The following METTL16 variants were observed in gnomAD, a reference collection of about 807,000 sequenced individuals.
METTL16 encodes RNA N(6)-adenosine-methyltransferase METTL16.
A neutral mutation model predicts 57.9 loss-of-function variants in METTL16; 19 were observed. That is an observed-to-expected ratio of 0.33 (90% CI 0.23 to 0.48). The LOEUF is 0.48. Among genes scored for constraint, METTL16 ranks in the 20% least tolerant of loss-of-function variants. METTL16 has a pLI of 0.99. For synonymous variants in METTL16, 246 were observed against 255.6 expected (o/e 0.96, Z 0.36); for missense variants, 434 against 691.5 (o/e 0.63, Z 4.18).
intron 8 of METTL16, among the ~76,000 whole-genome samples, chr17:2,435,307 G>C (rs1472262901): frequency 6.6e-6 from 1 of 152,124 alleles, no homozygotes; most frequent in Non-Finnish European, 1.5e-5. Context: ...CGGGAGTGGG[G>C]GTGGGGAAAT....
At position 2,438,161 on chromosome 17, in the gene METTL16, C is replaced by T; in HGVS notation, c.836G>A (p.Arg279Gln). ...CCAAGCTAAGGCCCATCTCATTGTC[C>T]GACCTTGACAGAATTCAGTGTACGT... ...KVTYTEFCQGRTMRWALAWSF... is the reference protein window; with the variant it reads ...KVTYTEFCQGQTMRWALAWSF... Residue 279 changes from arginine to glutamine, a missense_variant, in exon 8 of 10, where the codon CGG becomes CAG. Physicochemically the swap from Arg to Gln is conservative, Grantham distance 43. Transcript: ENST00000263092. 1 of 1,613,784 alleles carries T rather than the reference C, an allele frequency of 6.2e-7. No individual in the cohort carries two copies. The highest frequency in any genetic ancestry group is 8.5e-7 in the Non-Finnish European group (1 of 1,179,780).
chr17:2,444,952 G>A (rs2066983864), intron 6 of METTL16, among the ~76,000 whole-genome samples: 1 of 151,980 alleles, frequency 6.6e-6, no homozygotes, highest in Non-Finnish European at 1.5e-5. Context: ...CTGACCTCAG[G>A]TGTTCCACCC....
At chr17:2,455,207 G>C (rs2036969950) in intron 6 of METTL16, 1 of 163,738 alleles carries the variant, frequency 6.1e-6, no homozygotes, top group South Asian at 1.3e-4. Context: ...TCCTGCCTCA[G>C]CCTCCCAAAT....
At chr17:2,500,867 A>G (rs559322518) in intron 2 of METTL16, among the ~76,000 whole-genome samples, 1 of 152,282 alleles carries the variant, frequency 6.6e-6, no homozygotes, top group East Asian at 1.9e-4. Context: ...CTGTAATCCC[A>G]GCACTTTGGG....
rs1235934216 is a variant in METTL16 at position 2,495,971 on chromosome 17, G to A, written c.128+6233C>T. 7.3e-5 allele frequency among the ~76,000 whole-genome samples: 11 copies of A among 151,270 alleles called. No homozygotes were observed. In the East Asian group the frequency reaches 1.2e-3, roughly 16 times the overall value. On this transcript the variant is annotated intron_variant, in intron 2 of 9. Coordinates refer to ENST00000263092, the MANE Select transcript of METTL16 (RefSeq NM_024086.4). ...TAAAAAATACAAAAATTATTTGGGC[G>A]TGGCAGTGCACACCTGTAATCCCAG...
Position 2,484,206 on chromosome 17 carries a change from T to C in METTL16, c.129-6321A>G, listed in dbSNP as rs768620862. Among the ~76,000 whole-genome samples the C allele has an allele frequency of 5.3e-5, 8 of 152,196 alleles. No homozygotes were observed. The East Asian group carries it at 1.5e-3, about 29-fold the overall frequency. On this transcript the variant is annotated intron_variant, in intron 2 of 9. Transcript: ENST00000263092. ...GCTATTTTGCACTGGCATTTCAAAG[T>C]AATTGTGAAAATCAGGGGTTTCAAA...
At chr17:2,443,511 C>T (rs1399024551) in intron 6 of METTL16, among the ~76,000 whole-genome samples, 4 of 141,268 alleles carry the variant, frequency 2.8e-5, no homozygotes, top group Non-Finnish European at 6.1e-5. Flanking sequence ...TTTTGAGACA[C>T]AGTCTCACTC....
intron 5 of METTL16, among the ~76,000 whole-genome samples, chr17:2,465,887 A>G (rs554900947): frequency 1.3e-5 from 2 of 151,278 alleles, no homozygotes; most frequent in African/African-American, 4.9e-5. Context: ...GACCTCAAAA[A>G]AAAAAGGACA....
intron 2 of METTL16, 98 bp downstream of exon 2, chr17:2,502,106 A>T: frequency 1.5e-6 from 2 of 1,313,566 alleles, no homozygotes; most frequent in Non-Finnish European, 2.1e-6. Context: ...TGGGACGTTT[A>T]ATCAAATGTC....
At chr17:2,511,700 G>C (rs1463787663) in intron 1 of METTL16, 59 bp downstream of exon 1, 5 of 396,126 alleles carry the variant, frequency 1.3e-5, no homozygotes, top group Non-Finnish European at 2.2e-5. Context: ...GAACCCGTGT[G>C]ATCCACGGGT....
In METTL16 at chr17:2,477,976, T is replaced by C; in HGVS notation, c.129-91A>G. The C allele has an allele frequency of 2.9e-6, 3 of 1,018,292 alleles. No homozygotes were observed. The South Asian group carries it at 4.3e-5, about 15-fold the overall frequency. 63.1% of individuals were successfully genotyped at this position (1,018,292 alleles called of 1,614,324 possible). ...GCAAACAGGCAGAACCAAATACCCA[T>C]CCGAACCTCCCAGGGAGATCACACA... is the stretch of plus-strand genomic sequence containing the variant. On this transcript the variant is annotated intron_variant, in intron 2 of 9. Transcript: ENST00000263092.
At chr17:2,491,691 C>T (rs184414453) in intron 2 of METTL16, among the ~76,000 whole-genome samples, 101 of 151,072 alleles carry the variant, frequency 6.7e-4, no homozygotes, top group South Asian at 2.9e-3. Flanking sequence ...CTGGCTAACA[C>T]GGTGAAACCC....
At chr17:2,467,212 C>T (rs1457891326) in intron 5 of METTL16, among the ~76,000 whole-genome samples, 1 of 152,106 alleles carries the variant, frequency 6.6e-6, no homozygotes, top group Non-Finnish European at 1.5e-5. Flanking sequence ...AGCCCCCTAA[C>T]TGGTATACAG....
chr17:2,424,379 C>G (rs1189176819), intron 8 of METTL16: 1 of 151,716 alleles, frequency 6.6e-6, no homozygotes, highest in Non-Finnish European at 1.5e-5. Context: ...TCCCAAAGTG[C>G]TGGGATTACA....
At chr17:2,477,576 C>G in intron 3 of METTL16, 110 bp downstream of exon 3, 2 of 795,912 alleles carry the variant, frequency 2.5e-6, no homozygotes, top group Middle Eastern at 3.5e-4. Context: ...GTATCTGTAG[C>G]CAGCTTCTTT....
intron 6 of METTL16, among the ~76,000 whole-genome samples, chr17:2,457,230 A>C (rs373616089): frequency 0.011 from 1,659 of 146,790 alleles, 42 homozygotes; most frequent in African/African-American, 0.038. Flanking sequence ...CCAAGCTACT[A>C]GGGAGGCTGA....
In METTL16 at chr17:2,420,836, G is replaced by T; in HGVS notation, c.957C>A (p.Ser319=). The part of the protein sequence containing the change: ...RKPITFVVLA[S]VMKELSLKAS... Reference sequence around the variant, plus strand: ...CTTTGAGGGATAATTCCTTCATCACGGACGCCAGCACCACGAATGTTATGG... The same window carrying T: ...CTTTGAGGGATAATTCCTTCATCACTGACGCCAGCACCACGAATGTTATGG... The change falls in exon 9 of 10, where the codon TCC becomes TCA. Residue 319 remains serine, a synonymous_variant. Transcript: ENST00000263092. This position sits in a 1 kb window ranked among gnomAD's most constrained non-coding sequence, Gnocchi z 5.4. The T allele has an allele frequency of 1.2e-6, 2 of 1,614,136 alleles. No homozygotes were observed. Among genetic ancestry groups the T allele is most frequent in the East Asian group, 2.2e-5 (1 of 44,884 alleles).
chr17:2,453,701 T>C (rs1049085201), intron 6 of METTL16, among the ~76,000 whole-genome samples: 2 of 152,226 alleles, frequency 1.3e-5, no homozygotes, highest in African/African-American at 4.8e-5. Flanking sequence ...CCTTTGCCAA[T>C]TGTTCCACGA....
chr17:2,431,947 T>A (rs988732823), intron 8 of METTL16, among the ~76,000 whole-genome samples: 21 of 86,380 alleles, frequency 2.4e-4, no homozygotes, highest in Non-Finnish European at 3.7e-4. Context: ...GACTCAATAT[T>A]TTTTTTTTTT....
Sources: allele counts gnomAD v4.1 joint callset (sites outside exome capture counted in the v4.1 genomes callset), GRCh38; gene constraint gnomAD v4.1.1; non-coding constraint Gnocchi (gnomAD v3.1); transcripts MANE v1.5; gene names NCBI Gene and HGNC (gene_info 2026-07-23, HGNC 2026-07-21).